Variants in CNTN4 observed in about 807,000 individuals in gnomAD.
CNTN4 encodes contactin-4.
A neutral mutation model predicts 122.5 loss-of-function variants in CNTN4; 77 were observed. The observed-to-expected ratio is 0.63, with a 90% CI of 0.52 to 0.76. The LOEUF is 0.76. Ranked by LOEUF, CNTN4 falls within the 30% of genes least tolerant of loss-of-function variation. The pLI is 0.00. For missense variants in CNTN4, 1,256 were observed against 1,259.1 expected (o/e 1.00, Z 0.04); for synonymous variants, 512 against 447.0 (o/e 1.15, Z -1.83).
At chr3:2,378,441 C>G (rs1480999046) in intron 3 of CNTN4, among the ~76,000 whole-genome samples, 1 of 152,164 alleles carries the variant, frequency 6.6e-6, no homozygotes, top group Non-Finnish European at 1.5e-5. Flanking sequence ...TGGCCATGCA[C>G]AGGGGACTGG....
intron 2 of CNTN4, among the ~76,000 whole-genome samples, chr3:2,185,330 C>T (rs944219029): frequency 6.6e-6 from 1 of 152,142 alleles, no homozygotes; most frequent in Non-Finnish European, 1.5e-5. Flanking sequence ...TGCTTTCCCT[C>T]TAGTGTGTAA....
At chr3:2,864,537 G>A (rs966213276) in intron 7 of CNTN4, among the ~76,000 whole-genome samples, 13 of 151,772 alleles carry the variant, frequency 8.6e-5, no homozygotes, top group Admixed American at 4.6e-4. Context: ...TCAGGAGTTC[G>A]AGACCAGCCT....
chr3:2,842,983 C>A (rs754130319), intron 7 of CNTN4, among the ~76,000 whole-genome samples: 34 of 152,206 alleles, frequency 2.2e-4, no homozygotes, highest in Non-Finnish European at 4.4e-4. Context: ...TTCATCCAGT[C>A]CAATGGCTTC....
chr3:2,407,431 C>G (rs1187207757), intron 3 of CNTN4, among the ~76,000 whole-genome samples: 2 of 151,442 alleles, frequency 1.3e-5, no homozygotes, highest in Non-Finnish European at 2.9e-5. Flanking sequence ...ACCACTTTGT[C>G]TATGGGTAAA....
At chr3:2,941,157 C>T (rs1399378293) in intron 13 of CNTN4, among the ~76,000 whole-genome samples, 2 of 151,946 alleles carry the variant, frequency 1.3e-5, no homozygotes, top group Non-Finnish European at 1.5e-5. Context: ...AAGGACTTTC[C>T]CTCCTTCAAT....
chr3:2,986,764 T>C (rs559518648), intron 13 of CNTN4, among the ~76,000 whole-genome samples: 1 of 152,300 alleles, frequency 6.6e-6, no homozygotes, highest in African/African-American at 2.4e-5. Context: ...GATTTTTCCC[T>C]TAGGTTATTT....
intron 6 of CNTN4, among the ~76,000 whole-genome samples, chr3:2,783,459 A>T (rs889551447): frequency 2.6e-5 from 4 of 152,170 alleles, no homozygotes; most frequent in Non-Finnish European, 2.9e-5. Flanking sequence ...CTCCAGAGGC[A>T]GTTCATTGGA....
At chr3:2,386,961 C>T (rs1320562076) in intron 3 of CNTN4, among the ~76,000 whole-genome samples, 1 of 152,126 alleles carries the variant, frequency 6.6e-6, no homozygotes, top group Non-Finnish European at 1.5e-5. Flanking sequence ...TGTTTCTCTC[C>T]ATCTGTTGGC....
At chr3:2,790,005 A>G (rs2149960885) in intron 6 of CNTN4, among the ~76,000 whole-genome samples, 1 of 152,372 alleles carries the variant, frequency 6.6e-6, no homozygotes, top group South Asian at 2.1e-4. Flanking sequence ...TGATTCTAAT[A>G]ATAGCAGCAA....
At chr3:2,169,552 G>C (rs1171008363) in intron 2 of CNTN4, among the ~76,000 whole-genome samples, 23 of 151,072 alleles carry the variant, frequency 1.5e-4, no homozygotes, top group Admixed American at 3.3e-4. Flanking sequence ...GACTACAGGC[G>C]CCGCCACCAC....
intron 3 of CNTN4, among the ~76,000 whole-genome samples, chr3:2,383,771 C>T (rs2046124579): frequency 2.0e-5 from 3 of 149,898 alleles, no homozygotes. Flanking sequence ...TCCCTCTCCT[C>T]TCCCTTCCCT....
At chr3:2,705,815 T>C (rs2086673613) in intron 4 of CNTN4, among the ~76,000 whole-genome samples, 1 of 106,942 alleles carries the variant, frequency 9.4e-6, no homozygotes, top group Non-Finnish European at 1.7e-5. Context: ...ATAATATATA[T>C]AATATATAAT....
chr3:2,936,916 A>G (rs2094571726), intron 13 of CNTN4, among the ~76,000 whole-genome samples: 1 of 152,186 alleles, frequency 6.6e-6, no homozygotes. Context: ...TCATTCACAA[A>G]TGGCCTGTGG....
At chr3:2,515,951 G>C (rs2077028169) in intron 3 of CNTN4, among the ~76,000 whole-genome samples, 1 of 151,906 alleles carries the variant, frequency 6.6e-6, no homozygotes, top group African/African-American at 2.4e-5. Context: ...TTAACATCAA[G>C]TGTACTCCAA....
Position 2,294,809 on chromosome 3 carries a change from T to C in CNTN4, c.-144-44369T>C, listed in dbSNP as rs559835788. 1.9e-3 allele frequency among the ~76,000 whole-genome samples: 283 copies of C among 152,246 alleles called. 2 individuals carry two copies. Among genetic ancestry groups the C allele is most frequent in the African/African-American group, 6.4e-3 (264 of 41,552 alleles). On this transcript the variant is annotated intron_variant, in intron 2 of 24. Coordinates refer to ENST00000418658, the MANE Select transcript of CNTN4 (RefSeq NM_175607.3). The stretch of plus-strand genomic sequence containing the variant: ...GTCATTTAGCATTAGGTATATCTCC[T>C]AATGCTATCCCTCCCCTCTCCCCCA...
chr3:2,253,742 A>C (rs2040466388), intron 2 of CNTN4, among the ~76,000 whole-genome samples: 1 of 151,744 alleles, frequency 6.6e-6, no homozygotes, highest in Admixed American at 6.6e-5. Flanking sequence ...CCTGGACTCG[A>C]TCTATCCTCC....
intron 3 of CNTN4, among the ~76,000 whole-genome samples, chr3:2,464,641 C>G (rs1237920843): frequency 6.6e-6 from 1 of 152,142 alleles, no homozygotes; most frequent in African/African-American, 2.4e-5. Context: ...ATTTTACATT[C>G]TTCCCAAAGA....
chr3:2,694,314 T>A (rs944525520), intron 4 of CNTN4, among the ~76,000 whole-genome samples: 1 of 151,662 alleles, frequency 6.6e-6, no homozygotes, highest in Admixed American at 6.6e-5. Context: ...AAGTAGGAAA[T>A]TAGTAAGTAT....
chr3:2,943,043 C>A (rs2094631908), intron 13 of CNTN4, among the ~76,000 whole-genome samples: 3 of 152,064 alleles, frequency 2.0e-5, no homozygotes, highest in Admixed American at 1.3e-4. Context: ...GGGAGTGCAC[C>A]TATTGTGTGT....
Sources: gnomAD v4.1 joint callset for allele counts (sites outside exome capture counted in the v4.1 genomes callset) on GRCh38, gnomAD v4.1.1 for gene constraint, MANE v1.5 for transcripts, NCBI Gene and HGNC (gene_info 2026-07-23, HGNC 2026-07-21) for gene names.